The following SHOC2 variants were observed in gnomAD, a reference collection of about 807,000 sequenced individuals.
The protein encoded by SHOC2 is leucine-rich repeat protein SHOC-2.
A neutral mutation model predicts 50.2 loss-of-function variants in SHOC2; 4 were observed. The ratio of observed to expected loss-of-function variants is 0.08; its 90% CI spans 0.04 to 0.18. SHOC2 has a LOEUF of 0.18. Ranked by LOEUF, SHOC2 falls within the 10% of genes least tolerant of loss-of-function variation. The pLI is 1.00. For missense variants in SHOC2, 388 were observed against 669.6 expected (o/e 0.58, Z 4.64); for synonymous variants, 218 against 244.5 (o/e 0.89, Z 1.01).
intron 2 of SHOC2, among the ~76,000 whole-genome samples, chr10:110,965,285 A>G (rs1847651716): frequency 6.6e-6 from 1 of 152,194 alleles, no homozygotes; most frequent in Non-Finnish European, 1.5e-5. Context: ...ATGTAATTAG[A>G]TCTTTCCCAC....
chr10:110,945,806 A>G (rs533377815), intron 1 of SHOC2, among the ~76,000 whole-genome samples: 39 of 152,096 alleles, frequency 2.6e-4, no homozygotes, highest in Non-Finnish European at 5.3e-4. Flanking sequence ...AATCAAGCCT[A>G]TTATGTAGAA....
intron 1 of SHOC2, among the ~76,000 whole-genome samples, chr10:110,924,803 C>G (rs1233029281): frequency 6.6e-6 from 1 of 152,106 alleles, no homozygotes; most frequent in African/African-American, 2.4e-5. Flanking sequence ...GGCGTGGTGG[C>G]TCACGCCTAT....
Position 110,943,296 on chromosome 10 carries a change from A to G in SHOC2, c.-234-20829A>G, listed in dbSNP as rs546992626. Among the ~76,000 whole-genome samples the G allele has an allele frequency of 1.0e-4, 15 of 150,604 alleles. No homozygotes were observed. The South Asian group carries it at 3.1e-3, about 31-fold the overall frequency. ...CTGTTCCTCATACTGGATAATATAA[A>G]TTGACCTATCTTCAACTTTGCTGAT... On this transcript the variant is annotated intron_variant, in intron 1 of 8. Coordinates refer to ENST00000369452, the MANE Select transcript of SHOC2 (RefSeq NM_007373.4).
chr10:110,957,541 C>G (rs977042798), intron 1 of SHOC2, among the ~76,000 whole-genome samples: 2 of 150,752 alleles, frequency 1.3e-5, no homozygotes, highest in Admixed American at 6.6e-5. Flanking sequence ...TACCCCCCCC[C>G]CAGCCCACAA....
At chr10:110,938,942 G>GT (rs1226361396) in intron 1 of SHOC2, among the ~76,000 whole-genome samples, 1 of 152,236 alleles carries the variant, frequency 6.6e-6, no homozygotes, top group Admixed American at 6.5e-5. Context: ...AAATCTGAGA[G>GT]TTTTTTGACA....
At chr10:110,936,993 A>C (rs746384270) in intron 1 of SHOC2, 1 of 1,469,902 alleles carries the variant, frequency 6.8e-7, no homozygotes, top group South Asian at 1.1e-5. Flanking sequence ...ACAGTCAGCC[A>C]GAAGATGGGG....
intron 2 of SHOC2, among the ~76,000 whole-genome samples, chr10:110,977,077 A>G (rs963595148): frequency 2.0e-5 from 3 of 152,172 alleles, no homozygotes; most frequent in Non-Finnish European, 2.9e-5. Flanking sequence ...ACCTCTATAC[A>G]TTCCATTGGG....
chr10:111,009,582 G>A (rs1253914618), intron 7 of SHOC2, 131 bp from the exon 8 acceptor site: 6 of 789,468 alleles, frequency 7.6e-6, no homozygotes, highest in African/African-American at 1.7e-5. Context: ...AATATGTAAT[G>A]TAAGTGATTC....
chr10:110,976,213 A>G lies in SHOC2; in HGVS notation c.704-9415A>G, dbSNP rs1447008909. Among the ~76,000 whole-genome samples, 4 of 152,058 alleles carry G rather than the reference A, an allele frequency of 2.6e-5. No homozygotes were observed. The East Asian group carries it at 5.8e-4, about 22-fold the overall frequency. On this transcript the variant is annotated intron_variant, in intron 2 of 8. Coordinates refer to ENST00000369452, the MANE Select transcript of SHOC2 (RefSeq NM_007373.4). ...GCGTGAGCTACCACACCCAGCCTCA[A>G]ATCATTTTCTTTTGCCCAAAGAACG...
chr10:110,987,163 T>TGCTTGTATCTGGGTTCCCA (rs71489938), intron 3 of SHOC2, among the ~76,000 whole-genome samples: 2 of 152,212 alleles, frequency 1.3e-5, no homozygotes, highest in African/African-American at 2.4e-5. Flanking sequence ...TCCATTGTTT[T>TGCTTGTATCTGGGTTCCCA]GCTTGTATCT....
intron 4 of SHOC2, among the ~76,000 whole-genome samples, chr10:111,001,900 G>A (rs1003037932): frequency 6.6e-6 from 1 of 152,142 alleles, no homozygotes; most frequent in African/African-American, 2.4e-5. Flanking sequence ...TTAGCTGGGT[G>A]AGGTGGTGGG....
At chr10:110,922,506 T>C (rs531863470) in intron 1 of SHOC2, among the ~76,000 whole-genome samples, 10 of 152,130 alleles carry the variant, frequency 6.6e-5, no homozygotes, top group Admixed American at 1.3e-4. Context: ...ATCTGTGTTT[T>C]AACTAAAAGA....
intron 1 of SHOC2, among the ~76,000 whole-genome samples, chr10:110,949,035 A>G (rs920522878): frequency 6.6e-6 from 1 of 152,188 alleles, no homozygotes; most frequent in Non-Finnish European, 1.5e-5. Context: ...AAAGAAGCCA[A>G]AAGATTGGAA....
chr10:110,956,875 T>TA (rs1354312964), intron 1 of SHOC2, among the ~76,000 whole-genome samples: 1 of 152,066 alleles, frequency 6.6e-6, no homozygotes, highest in Non-Finnish European at 1.5e-5. Context: ...GCCAGTGAAA[T>TA]ATCTCGTAAG....
At chr10:110,991,139 T>C (rs1174350546) in intron 3 of SHOC2, among the ~76,000 whole-genome samples, 1 of 152,182 alleles carries the variant, frequency 6.6e-6, no homozygotes, top group East Asian at 1.9e-4. Context: ...TTTTTATATA[T>C]GTGTCTGTAT....
chr10:111,004,886 TA>T, intron 5 of SHOC2, 92 bp downstream of exon 5: 1 of 857,854 alleles, frequency 1.2e-6, no homozygotes, highest in South Asian at 1.4e-5. Context: ...GGGGAGTGGG[TA>T]CTTGTACCTT....
intron 3 of SHOC2, among the ~76,000 whole-genome samples, chr10:110,991,017 T>A (rs1848176633): frequency 6.6e-6 from 1 of 152,222 alleles, no homozygotes; most frequent in South Asian, 2.1e-4. Flanking sequence ...CTCCTAAATA[T>A]CTGTGTAACT....
chr10:110,988,784 A>G (rs1848127758), intron 3 of SHOC2: 3 of 323,954 alleles, frequency 9.3e-6, no homozygotes, highest in Non-Finnish European at 1.8e-5. Context: ...AGACCTTTCT[A>G]TTATTCTCAT....
intron 1 of SHOC2, among the ~76,000 whole-genome samples, chr10:110,928,969 C>T (rs985517448): frequency 1.3e-5 from 2 of 152,140 alleles, no homozygotes; most frequent in Non-Finnish European, 2.9e-5. Flanking sequence ...AAAAACTTTC[C>T]TGGCTTTTTC....
Sources: allele counts gnomAD v4.1 joint callset (sites outside exome capture counted in the v4.1 genomes callset), GRCh38; gene constraint gnomAD v4.1.1; transcripts MANE v1.5; gene names NCBI Gene and HGNC (gene_info 2026-07-23, HGNC 2026-07-21).